The following CATSPERB variants were observed in gnomAD, a reference collection of about 807,000 sequenced individuals.
CATSPERB encodes the protein catsper channel auxiliary subunit beta.
CATSPERB carries 93 observed loss-of-function variants against 128.3 expected under a neutral mutation model. The observed-to-expected ratio is 0.72, with a 90% confidence interval of 0.61 to 0.86. The LOEUF is 0.86. CATSPERB is among the 40% of genes least tolerant of loss of function. CATSPERB has a pLI of 0.00. For synonymous variants in CATSPERB, 381 were observed against 448.8 expected (o/e 0.85, Z 1.91); for missense variants, 1,153 against 1,329.5 (o/e 0.87, Z 2.06).
intron 6 of CATSPERB, among the ~76,000 whole-genome samples, chr14:91,707,712 C>A: frequency 6.7e-6 from 1 of 149,100 alleles, no homozygotes; most frequent in East Asian, 2.0e-4. Context: ...GATTCTCCTG[C>A]CTCAGTCTCC....
intron 17 of CATSPERB, among the ~76,000 whole-genome samples, chr14:91,630,778 T>C (rs779273636): frequency 1.8e-4 from 28 of 152,214 alleles, no homozygotes; most frequent in Admixed American, 6.5e-4. Flanking sequence ...AAAATGTAAA[T>C]TGGATTATTT....
At chr14:91,621,574 T>C (rs750260487) in intron 19 of CATSPERB, 34 bp downstream of exon 19, 12 of 1,437,958 alleles carry the variant, frequency 8.3e-6, no homozygotes, top group Non-Finnish European at 1.9e-6. Flanking sequence ...AAATAACATT[T>C]CCTTTTTATA....
intron 7 of CATSPERB, among the ~76,000 whole-genome samples, chr14:91,702,656 T>C (rs1357075366): frequency 1.6e-5 from 2 of 126,530 alleles, no homozygotes; most frequent in African/African-American, 5.9e-5. Context: ...TTCTACACCC[T>C]CCCTGACACA....
chr14:91,619,195 T>A (rs924175299), intron 19 of CATSPERB, among the ~76,000 whole-genome samples: 1 of 152,166 alleles, frequency 6.6e-6, no homozygotes, highest in Non-Finnish European at 1.5e-5. Flanking sequence ...GTAAATTGTA[T>A]ACTAAGATAA....
chr14:91,635,326 T>C (rs1894352319), intron 17 of CATSPERB, among the ~76,000 whole-genome samples: 1 of 151,500 alleles, frequency 6.6e-6, no homozygotes, highest in Admixed American at 6.6e-5. Flanking sequence ...TCTTTTTTAG[T>C]TGGTAGATTT....
intron 17 of CATSPERB, among the ~76,000 whole-genome samples, chr14:91,632,702 A>T (rs766801924): frequency 6.6e-6 from 1 of 152,192 alleles, no homozygotes; most frequent in Non-Finnish European, 1.5e-5. Context: ...TTGCAATATC[A>T]CAAGGAACAG....
intron 22 of CATSPERB, among the ~76,000 whole-genome samples, chr14:91,595,156 T>C (rs1175672735): frequency 6.6e-6 from 1 of 152,112 alleles, no homozygotes; most frequent in Non-Finnish European, 1.5e-5. Flanking sequence ...TAAAGACAAA[T>C]CACGGTATGA....
chr14:91,596,909 CAG>C (rs1339225937), intron 22 of CATSPERB, among the ~76,000 whole-genome samples: 2 of 149,350 alleles, frequency 1.3e-5, no homozygotes, highest in East Asian at 2.0e-4. Context: ...TTTTTTGAGA[CAG>C]AGTCTCGCAC....
chr14:91,656,708 T>C (rs1704678), intron 15 of CATSPERB, among the ~76,000 whole-genome samples: 30,868 of 151,862 alleles, frequency 0.2, 3,340 homozygotes, highest in African/African-American at 0.25. Flanking sequence ...TCAAAAGACA[T>C]AGAGTGCCTG....
intron 17 of CATSPERB, among the ~76,000 whole-genome samples, chr14:91,633,624 A>T (rs1264988797): frequency 6.6e-6 from 1 of 152,156 alleles, no homozygotes; most frequent in Non-Finnish European, 1.5e-5. Flanking sequence ...CCAGGACTTT[A>T]AGGTTGGTTC....
At chr14:91,599,068 T>C (rs1206483454) in intron 22 of CATSPERB, among the ~76,000 whole-genome samples, 1 of 152,216 alleles carries the variant, frequency 6.6e-6, no homozygotes, top group East Asian at 1.9e-4. Context: ...AATTTTGGGA[T>C]ATCAGGGATT....
Position 91,591,931 on chromosome 14 carries a change from C to A in CATSPERB, c.2781G>T (p.Lys927Asn), listed in dbSNP as rs149912316. The change falls in exon 23 of 27, where the codon AAG becomes AAT. Residue 927 changes from lysine to asparagine, a missense_variant. Physicochemically the swap from Lys to Asn is moderately conservative, Grantham distance 94. Coordinates refer to ENST00000256343, the MANE Select transcript of CATSPERB (RefSeq NM_024764.4). The stretch of plus-strand genomic sequence containing the variant: ...CCGAGAAAGCAACAGCATGTGAAAA[C>A]TTCTGATCCTTTGTGCAGTTACACT... ...REECNCTKDQ[K>N]FSHAVAFSDC... 1.2e-6 allele frequency: 2 copies of A among 1,613,938 alleles called. No individual in the cohort carries two copies. The highest frequency in any genetic ancestry group is 2.7e-5 in the African/African-American group (2 of 74,914).
intron 10 of CATSPERB, among the ~76,000 whole-genome samples, chr14:91,689,509 T>C (rs1001614341): frequency 6.6e-6 from 1 of 152,202 alleles, no homozygotes; most frequent in African/African-American, 2.4e-5. Flanking sequence ...TGTTACTTTT[T>C]GTGTGATTCT....
intron 11 of CATSPERB, among the ~76,000 whole-genome samples, chr14:91,681,848 G>A (rs1895286535): frequency 6.6e-6 from 1 of 152,214 alleles, no homozygotes; most frequent in Non-Finnish European, 1.5e-5. Context: ...ACACTCAGGT[G>A]AAGGCTCATC....
chr14:91,610,740 A>T, intron 20 of CATSPERB, 63 bp from the exon 21 acceptor site: 1 of 1,469,716 alleles, frequency 6.8e-7, no homozygotes, highest in South Asian at 1.2e-5. Context: ...ACTGTGTCCA[A>T]CCAAAAATCA....
chr14:91,647,428 A>G (rs1403889706), intron 15 of CATSPERB, among the ~76,000 whole-genome samples: 2 of 152,202 alleles, frequency 1.3e-5, no homozygotes, highest in African/African-American at 4.8e-5. Context: ...TCAGGTCAAA[A>G]GGACTTTGGT....
intron 11 of CATSPERB, among the ~76,000 whole-genome samples, chr14:91,676,860 G>C (rs1366102761): frequency 6.6e-6 from 1 of 152,114 alleles, no homozygotes; most frequent in Non-Finnish European, 1.5e-5. Context: ...GCATGGTACT[G>C]GTACCAAAAC....
intron 23 of CATSPERB, among the ~76,000 whole-genome samples, chr14:91,590,189 C>T (rs61991981): frequency 0.13 from 20,502 of 152,146 alleles, 1,510 homozygotes; most frequent in Non-Finnish European, 0.17. Context: ...GCTCATGAAA[C>T]ATTATTTTGG....
At chr14:91,612,068 C>A (rs1893844255) in intron 20 of CATSPERB, among the ~76,000 whole-genome samples, 1 of 33,648 alleles carries the variant, frequency 3.0e-5, no homozygotes, top group Non-Finnish European at 7.8e-5. Context: ...TTCTTTCTTC[C>A]TTTTTTTAAG....
Sources: allele counts gnomAD v4.1 joint callset (sites outside exome capture counted in the v4.1 genomes callset), GRCh38; gene constraint gnomAD v4.1.1; transcripts MANE v1.5; gene names NCBI Gene and HGNC (gene_info 2026-07-23, HGNC 2026-07-21).